The following EDA variants were observed in gnomAD, a reference collection of about 807,000 sequenced individuals.
EDA encodes the protein ectodysplasin-A.
Under a neutral mutation model 23.6 loss-of-function variants are expected in EDA, and 2 were observed. The ratio of observed to expected loss-of-function variants is 0.08; its 90% CI spans 0.03 to 0.27. The LOEUF (loss-of-function observed/expected upper bound fraction) is 0.27, where lower values mean the gene tolerates loss of function less well. Among genes scored for constraint, EDA ranks in the 10% least tolerant of loss-of-function variants. The pLI is 1.00. For synonymous variants in EDA, 131 were observed against 132.0 expected (o/e 0.99, Z 0.05); for missense variants, 229 against 324.2 (o/e 0.71, Z 2.26).
At chrX:69,746,672 A>G (rs1160609687) in intron 1 of EDA, among the ~76,000 whole-genome samples, 1 of 111,186 alleles carries the variant, frequency 9.0e-6, no homozygotes, top group Non-Finnish European at 1.9e-5. Flanking sequence ...ACTCCTGCAA[A>G]CGCATGCAGG....
intron 1 of EDA, among the ~76,000 whole-genome samples, chrX:69,840,903 C>T (rs1278269149): frequency 9.0e-6 from 1 of 111,650 alleles, no homozygotes; most frequent in Admixed American, 9.6e-5. Flanking sequence ...CTTTTTTCTA[C>T]ATGCCTTAAT....
intron 1 of EDA, among the ~76,000 whole-genome samples, chrX:69,704,169 G>T (rs1430760817): frequency 8.9e-6 from 1 of 111,917 alleles, no homozygotes; most frequent in Non-Finnish European, 1.9e-5. Flanking sequence ...ACATCAATCA[G>T]TTCATGTAAT....
In EDA at chrX:70,036,303, G is replaced by T. The variant is rs1194995683; in HGVS notation, c.*694G>T. The T allele has an allele frequency of 1.8e-5, 2 of 112,223 alleles. No individual in the cohort carries two copies. Among genetic ancestry groups the T allele is most frequent in the African/African-American group, 6.5e-5 (2 of 30,727 alleles). 9.2% of individuals were successfully genotyped at this position (112,223 alleles called of 1,213,427 possible). On this transcript the variant is annotated 3_prime_UTR_variant, in exon 8 of 8. Coordinates refer to ENST00000374552, the MANE Select transcript of EDA (RefSeq NM_001399.5). ...AATCACAGGGAATGGCCACAAACCT[G>T]CCCGCCTAAGACCCTGAATCCGTAC...
At chrX:69,618,163 T>C (rs1932049126) in intron 1 of EDA, among the ~76,000 whole-genome samples, 1 of 111,871 alleles carries the variant, frequency 8.9e-6, no homozygotes, top group African/African-American at 3.3e-5. Flanking sequence ...AGCTGAACAT[T>C]GATATTCTGT....
At chrX:69,686,228 C>T (rs369910389) in intron 1 of EDA, among the ~76,000 whole-genome samples, 1 of 112,152 alleles carries the variant, frequency 8.9e-6, no homozygotes, top group South Asian at 3.7e-4. Flanking sequence ...AAATCCTGAG[C>T]TCAGGTAATC....
At chrX:69,917,407 C>T (rs1280314960) in intron 1 of EDA, among the ~76,000 whole-genome samples, 1 of 112,042 alleles carries the variant, frequency 8.9e-6, no homozygotes, top group East Asian at 2.8e-4. Flanking sequence ...GTTGCCTTTC[C>T]CCACTGAGTT....
chrX:69,739,560 A>G (rs1215005955), intron 1 of EDA, among the ~76,000 whole-genome samples: 2 of 110,167 alleles, frequency 1.8e-5, no homozygotes, highest in African/African-American at 6.6e-5. Context: ...TTGTTCCTCT[A>G]TTTGTACTTC....
intron 1 of EDA, among the ~76,000 whole-genome samples, chrX:69,803,131 T>G (rs1351983500): frequency 9.0e-6 from 1 of 111,413 alleles, no homozygotes; most frequent in African/African-American, 3.3e-5. Context: ...ATACTAAGAT[T>G]TTTTAGATGT....
At chrX:69,751,983 C>G (rs924726433) in intron 1 of EDA, among the ~76,000 whole-genome samples, 1 of 110,691 alleles carries the variant, frequency 9.0e-6, no homozygotes, top group Non-Finnish European at 1.9e-5. Flanking sequence ...TGGGCTGCGA[C>G]GATGGGGTTT....
chrX:69,711,987 T>C (rs1334337167), intron 1 of EDA, among the ~76,000 whole-genome samples: 7 of 111,468 alleles, frequency 6.3e-5, no homozygotes, highest in African/African-American at 2.3e-4. Context: ...TTTGTGTCTC[T>C]ATTTCCTTCA....
At chrX:69,774,714 T>C (rs570641911) in intron 1 of EDA, among the ~76,000 whole-genome samples, 20 of 111,888 alleles carry the variant, frequency 1.8e-4, no homozygotes, top group African/African-American at 6.2e-4. Flanking sequence ...GAGACTTCCC[T>C]GAACTTGCAC....
At chrX:69,785,025 T>G (rs1360618943) in intron 1 of EDA, among the ~76,000 whole-genome samples, 1 of 109,036 alleles carries the variant, frequency 9.2e-6, no homozygotes, top group Non-Finnish European at 1.9e-5. Flanking sequence ...GTAAGTTGGA[T>G]TCCTAGGTAT....
At chrX:70,028,738 G>A (rs1028033541) in intron 4 of EDA, among the ~76,000 whole-genome samples, 2 of 112,925 alleles carry the variant, frequency 1.8e-5, no homozygotes, top group African/African-American at 6.4e-5. Context: ...CATCCGAAAG[G>A]TATGAATGCA....
intron 1 of EDA, among the ~76,000 whole-genome samples, chrX:69,806,445 C>T (rs1003884136): frequency 1.8e-5 from 2 of 110,621 alleles, no homozygotes. Flanking sequence ...GTTGGCAGTA[C>T]ATATTTATCT....
intron 6 of EDA, among the ~76,000 whole-genome samples, chrX:70,031,286 T>C (rs1031779059): frequency 2.7e-5 from 3 of 112,139 alleles, no homozygotes; most frequent in Admixed American, 9.4e-5. Flanking sequence ...GGAGCCAGGA[T>C]TCAAAACTAC....
intron 1 of EDA, among the ~76,000 whole-genome samples, chrX:69,696,404 A>G (rs928312132): frequency 1.8e-5 from 2 of 111,823 alleles, no homozygotes; most frequent in African/African-American, 3.2e-5. Context: ...ACATAAAATT[A>G]CTTTCATAAG....
chrX:69,805,347 C>T (rs180727230), intron 1 of EDA, among the ~76,000 whole-genome samples: 212 of 110,858 alleles, frequency 1.9e-3, no homozygotes, highest in African/African-American at 6.3e-3. Flanking sequence ...CACAAAGGTA[C>T]GAAAATATCT....
chrX:69,671,251 G>A (rs1933887436), intron 1 of EDA, among the ~76,000 whole-genome samples: 1 of 111,538 alleles, frequency 9.0e-6, no homozygotes, highest in Non-Finnish European at 1.9e-5. Context: ...TGCAGTGATG[G>A]TGGCTTCATA....
At chrX:69,899,166 C>T (rs2018062503) in intron 1 of EDA, among the ~76,000 whole-genome samples, 2 of 112,045 alleles carry the variant, frequency 1.8e-5, no homozygotes, top group African/African-American at 6.5e-5. Flanking sequence ...ATTTGAGAAT[C>T]ACTTCCATTC....
Sources: allele counts gnomAD v4.1 joint callset (sites outside exome capture counted in the v4.1 genomes callset), GRCh38; gene constraint gnomAD v4.1.1; transcripts MANE v1.5; gene names NCBI Gene and HGNC (gene_info 2026-07-23, HGNC 2026-07-21).